The following L3MBTL4 variants were observed in gnomAD, a reference collection of about 807,000 sequenced individuals.
L3MBTL4 encodes the protein lethal(3)malignant brain tumor-like protein 4.
A neutral mutation model predicts 84.5 loss-of-function variants in L3MBTL4; 70 were observed. The ratio of observed to expected loss-of-function variants is 0.83; its 90% CI spans 0.68 to 1.01. The LOEUF is 1.01. Among genes scored for constraint, L3MBTL4 ranks in the 50% least tolerant of loss-of-function variants. L3MBTL4 has a pLI of 0.00. For synonymous variants in L3MBTL4, 274 were observed against 259.8 expected (o/e 1.05, Z -0.52); for missense variants, 715 against 754.8 (o/e 0.95, Z 0.62).
chr18:6,342,199 C>T (rs1460782087), intron 1 of L3MBTL4, among the ~76,000 whole-genome samples: 3 of 152,092 alleles, frequency 2.0e-5, no homozygotes, highest in Non-Finnish European at 2.9e-5. Flanking sequence ...GTATAAACCT[C>T]ACTGGTAAAG....
rs542086904 is a variant in L3MBTL4, at chr18:6,203,390, G to C, written c.981+9759C>G. Among the ~76,000 whole-genome samples the C allele has an allele frequency of 5.3e-5, 8 of 152,276 alleles. No individual in the cohort carries two copies. The East Asian group carries it at 1.5e-3, about 29-fold the overall frequency. On this transcript the variant is annotated intron_variant, in intron 12 of 18. Coordinates refer to ENST00000317931, the MANE Select transcript of L3MBTL4 (RefSeq NM_001330559.2). ...GGGAGTATACATTTCAAGCTTACCT[G>C]AAGTTTATTCCAAAATTAGGGTGTA...
At chr18:6,385,357 G>C (rs1231247973) in intron 1 of L3MBTL4, among the ~76,000 whole-genome samples, 1 of 152,178 alleles carries the variant, frequency 6.6e-6, no homozygotes, top group Non-Finnish European at 1.5e-5. Flanking sequence ...GGCTGTGACT[G>C]CACCACTGCA....
chr18:5,994,517 G>T (rs2053858442), intron 16 of L3MBTL4, among the ~76,000 whole-genome samples: 1 of 152,086 alleles, frequency 6.6e-6, no homozygotes, highest in South Asian at 2.1e-4. Context: ...AAGCAGGTGG[G>T]GCAGGCACAG....
chr18:6,369,423 C>G (rs1428451125), intron 1 of L3MBTL4, among the ~76,000 whole-genome samples: 2 of 152,146 alleles, frequency 1.3e-5, no homozygotes, highest in African/African-American at 4.8e-5. Context: ...CACAGGACAG[C>G]CCCTCACCAC....
At chr18:5,996,411 C>T (rs941373076) in intron 16 of L3MBTL4, among the ~76,000 whole-genome samples, 3 of 152,178 alleles carry the variant, frequency 2.0e-5, no homozygotes, top group African/African-American at 7.2e-5. Context: ...GGAGCGCTGG[C>T]AGTGAGCTGT....
intron 13 of L3MBTL4, among the ~76,000 whole-genome samples, chr18:6,152,645 G>C (rs1359459662): frequency 1.7e-4 from 26 of 152,132 alleles, no homozygotes; most frequent in Admixed American, 1.7e-3. Context: ...TATACATGGA[G>C]ATAACCCTTT....
intron 1 of L3MBTL4, among the ~76,000 whole-genome samples, chr18:6,322,999 G>C (rs996377387): frequency 6.6e-6 from 1 of 152,084 alleles, no homozygotes; most frequent in Non-Finnish European, 1.5e-5. Context: ...GTTCTCATGA[G>C]ATACGATTGT....
intron 13 of L3MBTL4, among the ~76,000 whole-genome samples, chr18:6,163,801 T>C (rs1004861733): frequency 6.6e-6 from 1 of 152,078 alleles, no homozygotes; most frequent in African/African-American, 2.4e-5. Flanking sequence ...AGGTACCGGG[T>C]TCATCACACT....
chr18:6,226,337 C>T (rs758788365), intron 10 of L3MBTL4, among the ~76,000 whole-genome samples: 17 of 152,076 alleles, frequency 1.1e-4, no homozygotes, highest in Non-Finnish European at 1.9e-4. Context: ...AACTGGGAGG[C>T]AGAGGTTGCA....
At chr18:6,359,021 G>C (rs536134566) in intron 1 of L3MBTL4, among the ~76,000 whole-genome samples, 2 of 152,278 alleles carry the variant, frequency 1.3e-5, no homozygotes, top group Non-Finnish European at 2.9e-5. Flanking sequence ...TTCAAATCTA[G>C]TGTTTTCATT....
At chr18:6,166,404 C>T (rs1336075647) in intron 13 of L3MBTL4, among the ~76,000 whole-genome samples, 1 of 152,108 alleles carries the variant, frequency 6.6e-6, no homozygotes, top group African/African-American at 2.4e-5. Context: ...CACACCTATT[C>T]CAAAATTGAC....
At chr18:6,322,647 C>A (rs1483150274) in intron 1 of L3MBTL4, among the ~76,000 whole-genome samples, 1 of 152,022 alleles carries the variant, frequency 6.6e-6, no homozygotes, top group Non-Finnish European at 1.5e-5. Flanking sequence ...AAATGAGGTA[C>A]ATATACACAA....
Position 5,959,691 on chromosome 18 carries a change from G to A in L3MBTL4, c.1677+403C>T, listed in dbSNP as rs188343076. 2.0e-4 allele frequency among the ~76,000 whole-genome samples: 30 copies of A among 152,186 alleles called. 1 individual carries two copies. The South Asian group carries it at 2.5e-3, about 13-fold the overall frequency. ...CCCAAGGGAGGATTCCTGCCTTCCC[G>A]CAAATGGCTTCAAGCCACCAATGGA... On this transcript the variant is annotated intron_variant, in intron 18 of 18. Coordinates refer to ENST00000317931, the MANE Select transcript of L3MBTL4 (RefSeq NM_001330559.2).
intron 13 of L3MBTL4, among the ~76,000 whole-genome samples, chr18:6,156,060 C>A (rs1022835697): frequency 6.6e-6 from 1 of 152,136 alleles, no homozygotes; most frequent in African/African-American, 2.4e-5. Flanking sequence ...GCTGCCCTTG[C>A]CCACTTCTCA....
intron 14 of L3MBTL4, among the ~76,000 whole-genome samples, chr18:6,124,991 C>T (rs1053401249): frequency 4.6e-5 from 7 of 152,124 alleles, no homozygotes; most frequent in African/African-American, 1.7e-4. Context: ...AGCATTGCCT[C>T]TTTCCCAAAA....
intron 14 of L3MBTL4, among the ~76,000 whole-genome samples, chr18:6,118,329 T>C (rs183793266): frequency 2.1e-4 from 32 of 152,252 alleles, no homozygotes; most frequent in Non-Finnish European, 3.7e-4. Context: ...TCATCAAAGA[T>C]ACCACCTTTC....
intron 1 of L3MBTL4, among the ~76,000 whole-genome samples, chr18:6,374,069 C>T (rs1269483119): frequency 6.6e-6 from 1 of 152,144 alleles, no homozygotes. Context: ...AATAAAAGCC[C>T]TCCCTGGTTG....
intron 12 of L3MBTL4, among the ~76,000 whole-genome samples, chr18:6,198,501 T>C (rs975449383): frequency 6.6e-6 from 1 of 152,196 alleles, no homozygotes; most frequent in Non-Finnish European, 1.5e-5. Flanking sequence ...ATAATGCATA[T>C]TTTTCAAGAA....
chr18:6,066,569 T>C (rs1169056654), intron 16 of L3MBTL4, among the ~76,000 whole-genome samples: 16 of 152,174 alleles, frequency 1.1e-4, no homozygotes, highest in Admixed American at 1.0e-3. Flanking sequence ...GATTGTAATA[T>C]CTTCTTGTTG....
Sources: gnomAD v4.1 joint callset for allele counts (sites outside exome capture counted in the v4.1 genomes callset) on GRCh38, gnomAD v4.1.1 for gene constraint, MANE v1.5 for transcripts, NCBI Gene and HGNC (gene_info 2026-07-23, HGNC 2026-07-21) for gene names.